The following CSPP1 variants were observed in gnomAD, a reference collection of about 807,000 sequenced individuals.
The protein encoded by CSPP1 is centrosome and spindle pole associated protein 1.
Under a neutral mutation model 164.4 loss-of-function variants are expected in CSPP1, and 126 were observed. The ratio of observed to expected loss-of-function variants is 0.77; its 90% CI spans 0.66 to 0.89. The LOEUF (loss-of-function observed/expected upper bound fraction) is 0.89. CSPP1 is among the 40% of genes least tolerant of loss of function. The probability of loss-of-function intolerance (pLI) is 0.00; values close to 1 mark genes in which losing one functional copy is unlikely to be tolerated. For synonymous variants in CSPP1, 472 were observed against 476.7 expected (o/e 0.99, Z 0.13); for missense variants, 1,395 against 1,449.8 (o/e 0.96, Z 0.61).
intron 24 of CSPP1, among the ~76,000 whole-genome samples, chr8:67,167,500 C>T (rs1279656794): frequency 6.7e-4 from 97 of 144,248 alleles, no homozygotes; most frequent in African/African-American, 2.3e-3. Flanking sequence ...ACTTCCCAGA[C>T]GGGGCAGCTG....
rs1296527036 is a variant in CSPP1 at position 67,172,459 on chromosome 8, C to T, written c.2872C>T (p.His958Tyr). Residue 958 changes from histidine (H) to tyrosine (Y), a missense_variant, in exon 25 of 31, where the codon CAT (histidine) becomes TAT (tyrosine). By Grantham distance (83) the His-to-Tyr change is moderately conservative (BLOSUM62 2). Transcript: ENST00000678616. ...CATGGATATATTTGATATGGCTAGACATCGGTTGCAAGCTCCTGTCAGAAG... is the reference window on the plus strand; with the variant it reads ...CATGGATATATTTGATATGGCTAGATATCGGTTGCAAGCTCCTGTCAGAAG... ...NPMDIFDMAR[H>Y]RLQAPVRRQS... 6.2e-7 allele frequency: 1 copy of T among 1,612,700 alleles called. No individual in the cohort carries two copies. The highest frequency in any genetic ancestry group is 8.5e-7 in the Non-Finnish European group (1 of 1,178,740).
chr8:67,091,493 A>T (rs1373054448), intron 4 of CSPP1, among the ~76,000 whole-genome samples: 1 of 152,264 alleles, frequency 6.6e-6, no homozygotes, highest in Non-Finnish European at 1.5e-5. Flanking sequence ...GTACATGCTT[A>T]GAAGACGAAA....
intron 25 of CSPP1, chr8:67,172,790 G>C (rs1830724985): frequency 5.0e-6 from 2 of 396,074 alleles, no homozygotes; most frequent in African/African-American, 4.0e-5. Flanking sequence ...TTAAAGTCTG[G>C]AATGGATGAG....
chr8:67,078,996 G>C (rs1039935161), intron 3 of CSPP1, among the ~76,000 whole-genome samples: 3 of 151,948 alleles, frequency 2.0e-5, no homozygotes, highest in Non-Finnish European at 4.4e-5. Context: ...GTAGTTGTTT[G>C]AATTGTCTTA....
intron 24 of CSPP1, among the ~76,000 whole-genome samples, chr8:67,165,303 A>G (rs1829111485): frequency 6.6e-6 from 1 of 152,186 alleles, no homozygotes; most frequent in Non-Finnish European, 1.5e-5. Flanking sequence ...AGTTGCAAAC[A>G]ATACAGAGAG....
At chr8:67,152,808 A>G (rs564233393) in intron 18 of CSPP1, among the ~76,000 whole-genome samples, 2 of 152,374 alleles carry the variant, frequency 1.3e-5, no homozygotes, top group African/African-American at 2.4e-5. Context: ...CAGTCTGTTC[A>G]AATAAGCATT....
chr8:67,109,165 G>C (rs937004262), intron 9 of CSPP1, among the ~76,000 whole-genome samples: 1 of 152,206 alleles, frequency 6.6e-6, no homozygotes, highest in South Asian at 2.1e-4. Flanking sequence ...GGAGGCTTGA[G>C]TGGGGCAGAA....
intron 17 of CSPP1, among the ~76,000 whole-genome samples, chr8:67,145,369 A>G (rs923770274): frequency 3.9e-5 from 6 of 152,074 alleles, no homozygotes; most frequent in African/African-American, 7.2e-5. Flanking sequence ...ATGTTTATCA[A>G]CTTTATGGAT....
chr8:67,159,856 CTTTCTTTCTTTCTT>C lies in CSPP1; in HGVS notation c.2538+721_2538+734del, dbSNP rs1563710851. On this transcript the variant is annotated intron_variant, in intron 21 of 30. Coordinates refer to ENST00000678616, the MANE Select transcript of CSPP1 (RefSeq NM_001382391.1). ...TTTCTTTCTTTCTTTCTTTCTTTTT[CTTTCTTTCTTTCTT>C]TCTTTCTTTCTTTCTTTCTTTCTTT... Among the ~76,000 whole-genome samples, 206 of 21,064 alleles carry C rather than the reference CTTTCTTTCTTTCTT, an allele frequency of 9.8e-3. 13 individuals are homozygous for C. The highest frequency in any genetic ancestry group is 0.013 in the Non-Finnish European group (164 of 12,494). 13.8% of individuals were successfully genotyped at this position (21,064 alleles called of 152,430 possible).
At chr8:67,194,923 A>G (rs1478070123) in intron 30 of CSPP1, among the ~76,000 whole-genome samples, 1 of 152,182 alleles carries the variant, frequency 6.6e-6, no homozygotes, top group Admixed American at 6.5e-5. Flanking sequence ...ATAACTTAAT[A>G]ATTTCCTTAT....
In CSPP1 at chr8:67,195,888, A is replaced by C. The variant is rs993242265; in HGVS notation, c.*295A>C. Reference sequence around the variant, plus strand: ...TTATATTGAATTCTGCTTGTCATTAAGATAAGGTGAATAAGTGTCTTAAAC... The same window carrying C: ...TTATATTGAATTCTGCTTGTCATTACGATAAGGTGAATAAGTGTCTTAAAC... On this transcript the variant is annotated 3_prime_UTR_variant, in exon 31 of 31. Transcript: ENST00000678616. 33 of 282,322 alleles carry C rather than the reference A, an allele frequency of 1.2e-4. No homozygotes were observed. The highest frequency in any genetic ancestry group is 7.2e-4 in the African/African-American group (33 of 45,542). 17.5% of individuals were successfully genotyped at this position (282,322 alleles called of 1,614,324 possible). A position where few individuals can be genotyped will look rare whatever the true frequency, so the allele number is the denominator to read the frequency against.
chr8:67,064,372 G>T, upstream of CSPP1: 2 of 1,608,494 alleles, frequency 1.2e-6, no homozygotes, highest in Non-Finnish European at 1.7e-6. Context: ...GGGCCTGAGG[G>T]GCGGAGCCCC....
In CSPP1 at chr8:67,116,047, T is replaced by G; in HGVS notation, c.1421T>G (p.Val474Gly). 2 of 1,614,146 alleles carry G rather than the reference T, an allele frequency of 1.2e-6. No individual in the cohort carries two copies. Among genetic ancestry groups the G allele is most frequent in the East Asian group, 4.5e-5 (2 of 44,884 alleles). The change falls in exon 13 of 31, where the codon GTT becomes GGT. Residue 474 changes from valine to glycine, a missense_variant. Physicochemically the swap from Val to Gly is moderately radical, Grantham distance 109. Coordinates refer to ENST00000678616, the MANE Select transcript of CSPP1 (RefSeq NM_001382391.1). ...CCATCTGTCCCACCCATCCCATCAG[T>G]TCATCCTGTTCCTTCTCAAAATGAA... is the stretch of plus-strand genomic sequence containing the variant. Reference protein sequence around the residue: ...SAPSVPPIPSVHPVPSQNEDL... With the variant: ...SAPSVPPIPSGHPVPSQNEDL...
chr8:67,192,446 CTA>C (rs1256915707), intron 29 of CSPP1, among the ~76,000 whole-genome samples: 3 of 152,122 alleles, frequency 2.0e-5, no homozygotes, highest in Non-Finnish European at 4.4e-5. Flanking sequence ...CACTACAAGT[CTA>C]GTTATCAATG....
intron 23 of CSPP1, 148 bp downstream of exon 23, chr8:67,163,946 C>T: frequency 1.6e-6 from 1 of 613,414 alleles, no homozygotes; most frequent in Non-Finnish European, 2.9e-6. Flanking sequence ...CCTGGGGTAA[C>T]ATCTTAGATA....
chr8:67,145,080 C>A (rs1220517874), intron 17 of CSPP1, among the ~76,000 whole-genome samples: 1 of 150,332 alleles, frequency 6.7e-6, no homozygotes, highest in African/African-American at 2.4e-5. Flanking sequence ...AAAGCATTCA[C>A]CAGTGAAGCC....
At chr8:67,115,445 C>T (rs554308165) in intron 12 of CSPP1, among the ~76,000 whole-genome samples, 9 of 152,172 alleles carry the variant, frequency 5.9e-5, no homozygotes, top group African/African-American at 2.2e-4. Flanking sequence ...TCTGGGAGGC[C>T]GAGGTGGTCG....
At chr8:67,076,728 A>C (rs909309789) in intron 3 of CSPP1, 147 bp downstream of exon 3, 3 of 489,552 alleles carry the variant, frequency 6.1e-6, no homozygotes, top group Non-Finnish European at 1.1e-5. Context: ...TGGTCTACAT[A>C]TGAAATAGAA....
chr8:67,095,877 T>G, intron 7 of CSPP1, 145 bp downstream of exon 7: 1 of 596,820 alleles, frequency 1.7e-6, no homozygotes, highest in East Asian at 2.9e-5. Flanking sequence ...AGTTTTAAGA[T>G]GCATCATTAT....
Sources: allele counts gnomAD v4.1 joint callset (sites outside exome capture counted in the v4.1 genomes callset), GRCh38; gene constraint gnomAD v4.1.1; transcripts MANE v1.5; gene names NCBI Gene and HGNC (gene_info 2026-07-23, HGNC 2026-07-21).